Variants in CCSER1 observed in about 807,000 individuals in gnomAD.
CCSER1 encodes coiled-coil serine rich protein 1, also known as serine-rich coiled-coil domain-containing protein 1.
Under a neutral mutation model 82.0 loss-of-function variants are expected in CCSER1, and 41 were observed. The observed-to-expected ratio is 0.50, with a 90% CI of 0.39 to 0.65. The LOEUF (loss-of-function observed/expected upper bound fraction) is 0.65. Ranked by LOEUF, CCSER1 falls within the 30% of genes least tolerant of loss-of-function variation. The pLI, the probability that CCSER1 is intolerant of heterozygous loss-of-function variation, is 0.00. For synonymous variants in CCSER1, 414 were observed against 383.9 expected (o/e 1.08, Z -0.92); for missense variants, 1,119 against 1,064.2 (o/e 1.05, Z -0.72).
intron 9 of CCSER1, among the ~76,000 whole-genome samples, chr4:91,049,265 A>C (rs557415761): frequency 6.6e-6 from 1 of 152,300 alleles, no homozygotes; most frequent in South Asian, 2.1e-4. Context: ...GGTAGTACAG[A>C]AATTGGATCT....
At chr4:90,253,108 C>A (rs976736599) in intron 1 of CCSER1, among the ~76,000 whole-genome samples, 1 of 151,988 alleles carries the variant, frequency 6.6e-6, no homozygotes, top group Non-Finnish European at 1.5e-5. Flanking sequence ...TTCTCCACTA[C>A]AGCTTTTTTC....
At chr4:91,379,506 T>G (rs2149335009) in intron 10 of CCSER1, among the ~76,000 whole-genome samples, 1 of 152,336 alleles carries the variant, frequency 6.6e-6, no homozygotes, top group Admixed American at 6.5e-5. Flanking sequence ...CAGGAGTTTA[T>G]CCATTTCTTC....
chr4:91,564,370 A>G (rs1560766746), intron 10 of CCSER1, among the ~76,000 whole-genome samples: 2 of 151,860 alleles, frequency 1.3e-5, no homozygotes, highest in Non-Finnish European at 1.5e-5. Flanking sequence ...TACATGTGTC[A>G]TCATAGTAGA....
At chr4:90,298,451 G>T (rs1421126664) in intron 1 of CCSER1, among the ~76,000 whole-genome samples, 1 of 150,936 alleles carries the variant, frequency 6.6e-6, no homozygotes, top group African/African-American at 2.4e-5. Context: ...CCAGCTCCTG[G>T]ATTCATTAAT....
At chr4:91,141,399 G>A (rs559355081) in intron 10 of CCSER1, among the ~76,000 whole-genome samples, 75 of 152,164 alleles carry the variant, frequency 4.9e-4, no homozygotes, top group South Asian at 2.3e-3. Context: ...TGATCTGCCC[G>A]CCTTGGCCTC....
chr4:91,150,540 G>A (rs1268269645), intron 10 of CCSER1, among the ~76,000 whole-genome samples: 1 of 152,266 alleles, frequency 6.6e-6, no homozygotes, highest in Non-Finnish European at 1.5e-5. Context: ...GTGAGAGAGG[G>A]CATCCCTGTC....
intron 10 of CCSER1, among the ~76,000 whole-genome samples, chr4:91,315,683 A>C (rs1195957894): frequency 6.6e-6 from 1 of 151,974 alleles, no homozygotes; most frequent in African/African-American, 2.4e-5. Context: ...ATAATTTGTA[A>C]AGCATAAGGA....
At chr4:91,577,648 A>G (rs931524536) in intron 10 of CCSER1, among the ~76,000 whole-genome samples, 3 of 151,794 alleles carry the variant, frequency 2.0e-5, no homozygotes, top group Admixed American at 6.6e-5. Context: ...CTGATGTAAC[A>G]CTCCGTTAAG....
chr4:91,101,228 A>G (rs527415171), intron 10 of CCSER1, among the ~76,000 whole-genome samples: 43 of 152,370 alleles, frequency 2.8e-4, no homozygotes, highest in African/African-American at 9.9e-4. Context: ...AATCAATTAC[A>G]TGAAGAAACA....
chr4:91,509,320 G>A (rs990383405), intron 10 of CCSER1, among the ~76,000 whole-genome samples: 9 of 151,752 alleles, frequency 5.9e-5, no homozygotes, highest in Non-Finnish European at 1.3e-4. Context: ...AAACTGCCTC[G>A]CATATAATCT....
intron 10 of CCSER1, among the ~76,000 whole-genome samples, chr4:91,089,023 A>T (rs921882475): frequency 9.2e-5 from 14 of 152,102 alleles, no homozygotes; most frequent in African/African-American, 3.4e-4. Context: ...CATGGACAAA[A>T]CCCCACAGAC....
At chr4:90,749,998 A>G (rs1292220663) in intron 7 of CCSER1, among the ~76,000 whole-genome samples, 3 of 152,056 alleles carry the variant, frequency 2.0e-5, no homozygotes, top group African/African-American at 7.2e-5. Context: ...CTGGTGTGAG[A>G]TGATATCTCA....
chr4:90,318,521 T>C (rs1357874935), intron 3 of CCSER1, among the ~76,000 whole-genome samples: 1 of 152,218 alleles, frequency 6.6e-6, no homozygotes, highest in African/African-American at 2.4e-5. Flanking sequence ...AAAACATAAC[T>C]GTAGGACTTT....
At chr4:91,067,984 A>C (rs1000305457) in intron 9 of CCSER1, among the ~76,000 whole-genome samples, 26 of 152,196 alleles carry the variant, frequency 1.7e-4, no homozygotes, top group African/African-American at 6.3e-4. Context: ...ATCCTGGCTA[A>C]CTTGTTAGAC....
At chr4:91,283,414 T>A (rs1374710150) in intron 10 of CCSER1, among the ~76,000 whole-genome samples, 1 of 152,222 alleles carries the variant, frequency 6.6e-6, no homozygotes, top group South Asian at 2.1e-4. Context: ...CAACTACTAA[T>A]GCACTGCTTA....
At chr4:90,850,957 G>C (rs1763808988) in intron 8 of CCSER1, among the ~76,000 whole-genome samples, 1 of 152,162 alleles carries the variant, frequency 6.6e-6, no homozygotes, top group African/African-American at 2.4e-5. Flanking sequence ...GTAGAACCAG[G>C]TGGAGATAAT....
chr4:91,369,793 C>A (rs1225952148), intron 10 of CCSER1, among the ~76,000 whole-genome samples: 2 of 151,120 alleles, frequency 1.3e-5, no homozygotes, highest in East Asian at 3.9e-4. Flanking sequence ...CTCAGCCTCC[C>A]AAGTAGCTGG....
chr4:91,448,477 C>A (rs1755693432), intron 10 of CCSER1, among the ~76,000 whole-genome samples: 1 of 151,814 alleles, frequency 6.6e-6, no homozygotes, highest in Non-Finnish European at 1.5e-5. Context: ...GATAATGTTA[C>A]CTGAAGGTGT....
chr4:90,824,749 T>G (rs985670675), intron 8 of CCSER1, among the ~76,000 whole-genome samples: 1 of 152,170 alleles, frequency 6.6e-6, no homozygotes, highest in African/African-American at 2.4e-5. Flanking sequence ...CCATGGATGA[T>G]TTACATAGAA....
Sources: gnomAD v4.1 joint callset for allele counts (sites outside exome capture counted in the v4.1 genomes callset) on GRCh38, gnomAD v4.1.1 for gene constraint, MANE v1.5 for transcripts, NCBI Gene and HGNC (gene_info 2026-07-23, HGNC 2026-07-21) for gene names.